The following GNA13 variants were observed in gnomAD, a reference collection of about 807,000 sequenced individuals.
The protein encoded by GNA13 is guanine nucleotide-binding protein subunit alpha-13.
In GNA13, 4 loss-of-function variants were observed where a neutral mutation model predicts 33.5. The ratio of observed to expected loss-of-function variants is 0.12; its 90% CI spans 0.06 to 0.27. GNA13 has a LOEUF of 0.27. Ranked by LOEUF, GNA13 falls within the 10% of genes least tolerant of loss-of-function variation. The pLI is 1.00. For synonymous variants in GNA13, 176 were observed against 183.8 expected (o/e 0.96, Z 0.34); for missense variants, 319 against 487.2 (o/e 0.65, Z 3.25).
In GNA13 at chr17:65,011,414, T is replaced by C. The variant is rs1906184747; in HGVS notation, c.*2843A>G. The C allele has an allele frequency of 5.1e-6, 1 of 197,626 alleles. No individual in the cohort carries two copies. Among genetic ancestry groups the C allele is most frequent in the Admixed American group, 6.1e-5 (1 of 16,512 alleles). The allele number at this position is 197,626 out of a possible 1,614,324, so 12.2% of individuals were successfully genotyped here. On this transcript the variant is annotated 3_prime_UTR_variant, in exon 4 of 4. Coordinates refer to ENST00000439174, the MANE Select transcript of GNA13 (RefSeq NM_006572.6). ...CCCTTTCCAGATAATAAAATTGAAA[T>C]GAAGATTTCAATTTAATATTTGGCA...
chr17:65,047,951 G>A (rs1907725115), intron 2 of GNA13, among the ~76,000 whole-genome samples: 1 of 152,184 alleles, frequency 6.6e-6, no homozygotes, highest in African/African-American at 2.4e-5. Context: ...GTAAATCTCT[G>A]TGTTAATGAA....
At chr17:65,028,225 C>CA (rs1413975955) in intron 2 of GNA13, among the ~76,000 whole-genome samples, 1 of 151,752 alleles carries the variant, frequency 6.6e-6, no homozygotes, top group Non-Finnish European at 1.5e-5. Flanking sequence ...GACTCCGTCT[C>CA]AAAAAACAAA....
chr17:65,028,502 T>G (rs1376548471), intron 2 of GNA13, among the ~76,000 whole-genome samples: 1 of 151,478 alleles, frequency 6.6e-6, no homozygotes, highest in Non-Finnish European at 1.5e-5. Flanking sequence ...TTGCTCATCA[T>G]CTACTTGCAA....
At chr17:65,020,397 T>G (rs115635113) in intron 2 of GNA13, among the ~76,000 whole-genome samples, 81 of 152,308 alleles carry the variant, frequency 5.3e-4, no homozygotes, top group African/African-American at 1.9e-3. Context: ...CCGCTTAAGT[T>G]CTGCCCTGTG....
Position 65,012,495 on chromosome 17 carries a change from T to C in GNA13, c.*1762A>G, listed in dbSNP as rs969508732. On this transcript the variant is annotated 3_prime_UTR_variant, in exon 4 of 4. Transcript: ENST00000439174. Reference sequence around the variant, plus strand: ...CACGAACATGCACGATACCATGAACTTGCATCACGGTGCCGGGCTACGTAT... The same window carrying C: ...CACGAACATGCACGATACCATGAACCTGCATCACGGTGCCGGGCTACGTAT... The C allele has an allele frequency of 1.4e-5, 3 of 218,788 alleles. No individual in the cohort carries two copies. The highest frequency in any genetic ancestry group is 4.5e-5 in the African/African-American group (2 of 44,478). The allele number at this position is 218,788 out of a possible 1,614,324, so 13.6% of individuals were successfully genotyped here.
chr17:65,049,959 G>A (rs1385274604), intron 2 of GNA13, among the ~76,000 whole-genome samples: 2 of 152,204 alleles, frequency 1.3e-5, no homozygotes, highest in Admixed American at 6.5e-5. Context: ...TACGCATGAT[G>A]AGAGCTATAG....
In GNA13 at chr17:65,014,395, G is replaced by A. The variant is rs1254712579; in HGVS notation, c.996C>T (p.Asn332=). ...GCTTCTGTTGCTGGTCCCGGCGTTT[G>A]TTCCGGAAACATTCCACCAGGAATT... ...VQKFLVECFR[N]KRRDQQQKPL... Residue 332 remains asparagine, a synonymous_variant, in exon 4 of 4, where the codon AAC becomes AAT. Coordinates refer to ENST00000439174, the MANE Select transcript of GNA13 (RefSeq NM_006572.6). The surrounding 1 kb of genome is among the most constrained non-coding windows in gnomAD (Gnocchi z 5.3). The A allele has an allele frequency of 1.2e-6, 2 of 1,614,084 alleles. No individual in the cohort carries two copies. Among genetic ancestry groups the A allele is most frequent in the African/African-American group, 2.7e-5 (2 of 75,028 alleles).
At chr17:65,054,427 C>T (rs1332355114) in intron 1 of GNA13, among the ~76,000 whole-genome samples, 1 of 152,186 alleles carries the variant, frequency 6.6e-6, no homozygotes, top group Non-Finnish European at 1.5e-5. Context: ...TGAACAGTCA[C>T]TTGGCTATTA....
intron 2 of GNA13, among the ~76,000 whole-genome samples, chr17:65,024,802 C>A (rs1906712687): frequency 6.6e-6 from 1 of 152,182 alleles, no homozygotes; most frequent in Admixed American, 6.5e-5. Context: ...CTTTTAGGAT[C>A]AATTACACAA....
At chr17:65,031,192 C>T (rs1028329121) in intron 2 of GNA13, among the ~76,000 whole-genome samples, 2 of 152,124 alleles carry the variant, frequency 1.3e-5, no homozygotes, top group African/African-American at 2.4e-5. Flanking sequence ...CTGTACAGCA[C>T]GTTACTGTAC....
At position 65,012,472 on chromosome 17, in the gene GNA13, C is replaced by T. The variant is rs1403763074; in HGVS notation, c.*1785G>A. 3 of 219,200 alleles carry T rather than the reference C, an allele frequency of 1.4e-5. No individual in the cohort carries two copies. Among genetic ancestry groups the T allele is most frequent in the South Asian group, 1.9e-4 (1 of 5,402 alleles). 13.6% of individuals were successfully genotyped at this position (219,200 alleles called of 1,614,324 possible). A position where few individuals can be genotyped will look rare whatever the true frequency, so the allele number is the denominator to read the frequency against. On this transcript the variant is annotated 3_prime_UTR_variant, in exon 4 of 4. Coordinates refer to ENST00000439174, the MANE Select transcript of GNA13 (RefSeq NM_006572.6). ...ACGCATGAATGATACCATGATACCA[C>T]GAACATGCACGATACCATGAACTTG...
chr17:65,055,823 G>A, intron 1 of GNA13: 2 of 933,004 alleles, frequency 2.1e-6, no homozygotes, highest in Non-Finnish European at 2.6e-6. Flanking sequence ...AGGAAGCAGG[G>A]AGTTGGGAGC....
intron 2 of GNA13, among the ~76,000 whole-genome samples, chr17:65,020,946 C>A (rs922160481): frequency 1.3e-5 from 2 of 152,060 alleles, no homozygotes; most frequent in Admixed American, 6.6e-5. Context: ...CCACCATGAC[C>A]GGCCTGGAAA....
At position 65,013,515 on chromosome 17, in the gene GNA13, G is replaced by A. The variant is rs1227188184; in HGVS notation, c.*742C>T. 9.3e-6 allele frequency: 2 copies of A among 215,456 alleles called. No individual in the cohort carries two copies. Among genetic ancestry groups the A allele is most frequent in the African/African-American group, 4.5e-5 (2 of 44,366 alleles). 13.3% of individuals were successfully genotyped at this position (215,456 alleles called of 1,614,324 possible). Reference sequence around the variant, plus strand: ...TAAACTACATGATAATTAAATATGAGAAAGGCAAATTCTATTTCACTCGTT... The same window carrying A: ...TAAACTACATGATAATTAAATATGAAAAAGGCAAATTCTATTTCACTCGTT... On this transcript the variant is annotated 3_prime_UTR_variant, in exon 4 of 4. Transcript: ENST00000439174.
chr17:65,034,601 G>A (rs1035307856), intron 2 of GNA13, among the ~76,000 whole-genome samples: 1 of 151,664 alleles, frequency 6.6e-6, no homozygotes, highest in African/African-American at 2.4e-5. Flanking sequence ...CCTGGCCCAA[G>A]GCTAATAATC....
chr17:65,036,431 C>T (rs1251704087), intron 2 of GNA13, among the ~76,000 whole-genome samples: 1 of 152,184 alleles, frequency 6.6e-6, no homozygotes, highest in Non-Finnish European at 1.5e-5. Context: ...CTGGGCCAGG[C>T]ACGGTGGCTC....
intron 2 of GNA13, among the ~76,000 whole-genome samples, chr17:65,052,655 G>GT (rs1281651187): frequency 1.3e-5 from 2 of 152,206 alleles, no homozygotes; most frequent in African/African-American, 4.8e-5. Flanking sequence ...ACTGTATTCT[G>GT]TATCTTTAAC....
At chr17:65,052,629 TTAAAAATTTGTTTCAACTGTATTCTGTA>T (rs2143831970) in intron 2 of GNA13, among the ~76,000 whole-genome samples, 1 of 152,372 alleles carries the variant, frequency 6.6e-6, no homozygotes, top group African/African-American at 2.4e-5. Context: ...AAACACTTGA[TTAAAAATTTGTTTCAACTGTATTCTGTA>T]TCTTTAACCT....
chr17:65,031,921 A>AGAGTGTGTGTGTGTGT (rs770161529), intron 2 of GNA13, among the ~76,000 whole-genome samples: 59 of 91,690 alleles, frequency 6.4e-4, no homozygotes, highest in African/African-American at 2.2e-3. Flanking sequence ...AGAGAGAGAG[A>AGAGTGTGTGTGTGTGT]GTGTGTGTGT....
Sources: gnomAD v4.1 joint callset for allele counts (sites outside exome capture counted in the v4.1 genomes callset) on GRCh38, gnomAD v4.1.1 for gene constraint, Gnocchi (gnomAD v3.1) non-coding constraint, MANE v1.5 for transcripts, NCBI Gene and HGNC (gene_info 2026-07-23, HGNC 2026-07-21) for gene names.